Variants in SGCZ observed in about 807,000 individuals in gnomAD.
SGCZ encodes the protein sarcoglycan zeta.
In SGCZ, 40 loss-of-function variants were observed where a neutral mutation model predicts 41.3. That is an observed-to-expected ratio of 0.97 (90% CI 0.75 to 1.26). SGCZ has a LOEUF of 1.26. SGCZ is among the 50% of genes most tolerant of loss of function. The probability of loss-of-function intolerance (pLI) is 0.00; values close to 1 mark genes in which losing one functional copy is unlikely to be tolerated. For synonymous variants in SGCZ, 206 were observed against 137.5 expected (o/e 1.50, Z -3.49); for missense variants, 552 against 369.8 (o/e 1.49, Z -4.04).
intron 1 of SGCZ, among the ~76,000 whole-genome samples, chr8:14,799,552 T>C (rs1034329605): frequency 6.6e-6 from 1 of 152,164 alleles, no homozygotes; most frequent in Admixed American, 6.5e-5. Context: ...GACTCTTCCA[T>C]CCTTTCACTA....
chr8:14,154,181 TAA>T (rs1803805631), intron 5 of SGCZ, among the ~76,000 whole-genome samples: 1 of 151,928 alleles, frequency 6.6e-6, no homozygotes, highest in African/African-American at 2.4e-5. Context: ...CCATCCTGGC[TAA>T]CACGCTGAAA....
At chr8:14,582,153 T>A (rs1269473897) in intron 1 of SGCZ, among the ~76,000 whole-genome samples, 1 of 152,178 alleles carries the variant, frequency 6.6e-6, no homozygotes. Context: ...TCTCTAATTA[T>A]GTAAGAATAT....
intron 2 of SGCZ, among the ~76,000 whole-genome samples, chr8:14,506,947 C>G (rs12386937): frequency 4.6e-5 from 7 of 152,016 alleles, no homozygotes; most frequent in Non-Finnish European, 1.0e-4. Context: ...CAGGTCTTCA[C>G]TGTTTTCCAG....
At chr8:14,390,752 T>G (rs376453821) in intron 2 of SGCZ, among the ~76,000 whole-genome samples, 1 of 152,136 alleles carries the variant, frequency 6.6e-6, no homozygotes, top group East Asian at 1.9e-4. Context: ...ATGCATAATT[T>G]TTCACAATTT....
At chr8:15,075,397 T>C (rs1805494202) in intron 1 of SGCZ, among the ~76,000 whole-genome samples, 2 of 152,332 alleles carry the variant, frequency 1.3e-5, no homozygotes, top group South Asian at 4.1e-4. Flanking sequence ...CATTTTCTTT[T>C]AAAAGCATGC....
At chr8:15,184,055 T>G (rs76106072) in intron 1 of SGCZ, among the ~76,000 whole-genome samples, 1 of 152,172 alleles carries the variant, frequency 6.6e-6, no homozygotes, top group Admixed American at 6.5e-5. Context: ...GCTGAAATAA[T>G]ATATTTTTTA....
intron 4 of SGCZ, among the ~76,000 whole-genome samples, chr8:14,206,508 G>C (rs1409258995): frequency 2.0e-5 from 3 of 152,068 alleles, no homozygotes; most frequent in Admixed American, 6.6e-5. Flanking sequence ...CCAACAAGGA[G>C]AGTTATAAAA....
chr8:14,427,633 G>T (rs922671353), intron 2 of SGCZ, among the ~76,000 whole-genome samples: 10 of 152,102 alleles, frequency 6.6e-5, no homozygotes, highest in African/African-American at 2.4e-4. Context: ...TTACCAAGAG[G>T]GCTTTACAGG....
intron 1 of SGCZ, among the ~76,000 whole-genome samples, chr8:15,029,873 A>G (rs1394821933): frequency 6.6e-6 from 1 of 152,158 alleles, no homozygotes; most frequent in Non-Finnish European, 1.5e-5. Flanking sequence ...ATCATCTTGA[A>G]TTAGAAATCC....
rs575207775 is a variant in SGCZ at position 14,945,706 on chromosome 8, T to C, written c.39+291879A>G. Among the ~76,000 whole-genome samples, 4 of 151,818 alleles carry C rather than the reference T, an allele frequency of 2.6e-5. No homozygotes were observed. The South Asian group carries it at 8.3e-4, about 32-fold the overall frequency. ...ATCATCCAATCAGCTGGGGCCCAGATAGGACACAAAGGGGAATTCTCTTTC... is the reference window on the plus strand; with the variant it reads ...ATCATCCAATCAGCTGGGGCCCAGACAGGACACAAAGGGGAATTCTCTTTC... On this transcript the variant is annotated intron_variant, in intron 1 of 7. Coordinates refer to ENST00000382080, the MANE Select transcript of SGCZ (RefSeq NM_139167.4).
At chr8:14,841,026 G>C (rs1802888508) in intron 1 of SGCZ, among the ~76,000 whole-genome samples, 1 of 151,958 alleles carries the variant, frequency 6.6e-6, no homozygotes, top group South Asian at 2.1e-4. Context: ...TTTTATCAAT[G>C]TGTAAACATT....
At chr8:14,213,746 T>C (rs982024852) in intron 4 of SGCZ, among the ~76,000 whole-genome samples, 2 of 152,086 alleles carry the variant, frequency 1.3e-5, no homozygotes, top group Non-Finnish European at 2.9e-5. Context: ...ATAAAATACT[T>C]AAGACTTAAA....
intron 1 of SGCZ, among the ~76,000 whole-genome samples, chr8:14,674,941 T>G (rs1387374536): frequency 3.0e-4 from 35 of 114,868 alleles, no homozygotes; most frequent in Admixed American, 4.4e-4. Context: ...TTTTTTTTTT[T>G]TTTTTTTTTT....
intron 1 of SGCZ, among the ~76,000 whole-genome samples, chr8:14,650,598 G>A (rs916088468): frequency 6.6e-6 from 1 of 151,776 alleles, no homozygotes; most frequent in Admixed American, 6.6e-5. Context: ...TAAGTGACAG[G>A]TTATCTTTAA....
At chr8:14,987,484 T>C (rs1801862071) in intron 1 of SGCZ, among the ~76,000 whole-genome samples, 1 of 152,048 alleles carries the variant, frequency 6.6e-6, no homozygotes, top group African/African-American at 2.4e-5. Flanking sequence ...CTGTGAAATA[T>C]TGTACTCACT....
intron 3 of SGCZ, chr8:14,309,706 C>A: frequency 6.2e-7 from 1 of 1,608,942 alleles, no homozygotes; most frequent in Non-Finnish European, 8.5e-7. Context: ...TCACAGGAGA[C>A]TGAGTTAAGC....
At chr8:14,632,386 A>C (rs1468806122) in intron 1 of SGCZ, among the ~76,000 whole-genome samples, 1 of 152,056 alleles carries the variant, frequency 6.6e-6, no homozygotes, top group Non-Finnish European at 1.5e-5. Flanking sequence ...GAATCAGAAA[A>C]TGTATAGAGA....
chr8:14,676,866 G>A (rs577044308), intron 1 of SGCZ, among the ~76,000 whole-genome samples: 10 of 152,010 alleles, frequency 6.6e-5, no homozygotes, highest in Non-Finnish European at 1.0e-4. Context: ...CATACTTAAC[G>A]GCTAGAAACT....
At chr8:14,284,076 T>G (rs1319039359) in intron 3 of SGCZ, among the ~76,000 whole-genome samples, 1 of 152,262 alleles carries the variant, frequency 6.6e-6, no homozygotes, top group African/African-American at 2.4e-5. Flanking sequence ...TCCTTATTTC[T>G]AGTGATATTA....
Sources: gnomAD v4.1 joint callset for allele counts (sites outside exome capture counted in the v4.1 genomes callset) on GRCh38, gnomAD v4.1.1 for gene constraint, MANE v1.5 for transcripts, NCBI Gene and HGNC (gene_info 2026-07-23, HGNC 2026-07-21) for gene names.